The following STAG1 variants were observed in gnomAD, a reference collection of about 807,000 sequenced individuals.
STAG1 encodes STAG1 cohesin complex component.
STAG1 carries 26 observed loss-of-function variants against 170.9 expected under a neutral mutation model. The ratio of observed to expected loss-of-function variants is 0.15; its 90% CI spans 0.11 to 0.21. STAG1 has a LOEUF of 0.21. STAG1 is among the 10% of genes least tolerant of loss of function. The pLI, the probability that STAG1 is intolerant of heterozygous loss-of-function variation, is 1.00. For synonymous variants in STAG1, 514 were observed against 497.7 expected (o/e 1.03, Z -0.44); for missense variants, 964 against 1,509.5 (o/e 0.64, Z 5.99).
In STAG1 at chr3:136,433,543, T is replaced by G; in HGVS notation, c.1650+13A>C. On this transcript the variant is annotated intron_variant, in intron 16 of 33. Transcript: ENST00000383202. ...AAAAACCTTTTAGGAGATTTCTCAC[T>G]AATGTAACTTACTCTCTTGCCGGTA... The G allele has an allele frequency of 6.3e-7, 1 of 1,586,976 alleles. No individual in the cohort carries two copies. Among genetic ancestry groups the G allele is most frequent in the Non-Finnish European group, 8.6e-7 (1 of 1,165,324 alleles).
intron 20 of STAG1, among the ~76,000 whole-genome samples, chr3:136,418,402 G>GAAAAAT (rs1559789147): frequency 1.1e-5 from 1 of 89,392 alleles, no homozygotes; most frequent in African/African-American, 5.1e-5. Flanking sequence ...AAAAAAAAAG[G>GAAAAAT]TTTTTTTCAT....
intron 1 of STAG1, among the ~76,000 whole-genome samples, chr3:136,729,469 C>G (rs1346829293): frequency 6.6e-6 from 1 of 151,506 alleles, no homozygotes; most frequent in African/African-American, 2.4e-5. Context: ...TAATATGATT[C>G]TTTAACACAG....
chr3:136,410,220 T>A (rs2087588596), intron 21 of STAG1, among the ~76,000 whole-genome samples: 1 of 151,964 alleles, frequency 6.6e-6, no homozygotes, highest in East Asian at 1.9e-4. Context: ...GCCAACATGG[T>A]GAAATCCTGT....
intron 1 of STAG1, among the ~76,000 whole-genome samples, chr3:136,684,925 A>G (rs376190518): frequency 6.6e-6 from 1 of 152,198 alleles, no homozygotes; most frequent in Non-Finnish European, 1.5e-5. Context: ...TAAGACAATA[A>G]CACAGAAGAC....
intron 5 of STAG1, among the ~76,000 whole-genome samples, chr3:136,549,122 CTT>C (rs1936279079): frequency 6.6e-6 from 1 of 152,162 alleles, no homozygotes; most frequent in South Asian, 2.1e-4. Context: ...AATAACACCT[CTT>C]AAGTTTATTC....
At chr3:136,723,406 C>T (rs1333510482) in intron 1 of STAG1, among the ~76,000 whole-genome samples, 9 of 150,318 alleles carry the variant, frequency 6.0e-5, no homozygotes, top group African/African-American at 1.7e-4. Flanking sequence ...AGGTGAGGAG[C>T]GTCTCTGCCC....
intron 14 of STAG1, among the ~76,000 whole-genome samples, chr3:136,443,665 G>C (rs2088695208): frequency 6.6e-6 from 1 of 152,160 alleles, no homozygotes; most frequent in Non-Finnish European, 1.5e-5. Context: ...TGAGGAAACA[G>C]AGCATAGCTA....
intron 1 of STAG1, among the ~76,000 whole-genome samples, chr3:136,706,168 C>A (rs548934198): frequency 2.6e-5 from 4 of 152,152 alleles, no homozygotes; most frequent in Non-Finnish European, 5.9e-5. Context: ...TAACATCATA[C>A]TCAATGGTGA....
chr3:136,389,483 C>T lies in STAG1; in HGVS notation c.2277+9266G>A, dbSNP rs191464506. 3.9e-4 allele frequency among the ~76,000 whole-genome samples: 59 copies of T among 151,736 alleles called. 1 individual carries two copies. Among genetic ancestry groups the T allele is most frequent in the Middle Eastern group, 3.4e-3 (1 of 294 alleles). ...AATTTTTTTGTATTTTTAGTAGAGA[C>T]GGGGTTTCACCATATTGGTCAGGCT... On this transcript the variant is annotated intron_variant, in intron 22 of 33. Transcript: ENST00000383202.
chr3:136,634,928 G>A (rs997347241), intron 1 of STAG1, among the ~76,000 whole-genome samples: 13 of 151,982 alleles, frequency 8.6e-5, no homozygotes, highest in Non-Finnish European at 1.5e-4. Flanking sequence ...TGCACAAATC[G>A]TCAAAACTGG....
intron 1 of STAG1, among the ~76,000 whole-genome samples, chr3:136,650,249 A>AAG (rs1553760635): frequency 2.0e-5 from 3 of 151,672 alleles, no homozygotes; most frequent in East Asian, 1.9e-4. Flanking sequence ...AAAAAAAAAA[A>AAG]AGAGAGAGAG....
intron 9 of STAG1, chr3:136,499,714 G>A (rs1393843031): frequency 6.6e-6 from 1 of 152,094 alleles, no homozygotes; most frequent in Non-Finnish European, 1.5e-5. Flanking sequence ...TTTTGCTAAT[G>A]GCTTTTATTT....
intron 22 of STAG1, among the ~76,000 whole-genome samples, chr3:136,385,981 C>T (rs984539418): frequency 6.6e-6 from 1 of 152,192 alleles, no homozygotes; most frequent in Non-Finnish European, 1.5e-5. Flanking sequence ...GGCTTACGGG[C>T]ATTAGCCACC....
intron 5 of STAG1, among the ~76,000 whole-genome samples, chr3:136,563,396 T>G (rs1457813160): frequency 6.6e-6 from 1 of 152,152 alleles, no homozygotes; most frequent in Non-Finnish European, 1.5e-5. Flanking sequence ...GATTTTGTTT[T>G]CTTGGGGATT....
intron 1 of STAG1, among the ~76,000 whole-genome samples, chr3:136,646,906 C>T (rs537642068): frequency 4.9e-4 from 75 of 151,742 alleles, no homozygotes; most frequent in Non-Finnish European, 3.2e-4. Flanking sequence ...AGCGAGACTC[C>T]ATCTGAAAAA....
chr3:136,522,486 T>C (rs1464708719), intron 6 of STAG1, among the ~76,000 whole-genome samples: 1 of 152,192 alleles, frequency 6.6e-6, no homozygotes, highest in African/African-American at 2.4e-5. Flanking sequence ...GCAGCCTACC[T>C]GCTGCTTCTA....
chr3:136,736,648 T>C, intron 1 of STAG1: 1 of 1,604,268 alleles, frequency 6.2e-7, no homozygotes, highest in South Asian at 1.1e-5. Context: ...CTTTCCCGTT[T>C]GGCTTTTTCT....
chr3:136,602,435 A>C (rs1004328859), intron 4 of STAG1, among the ~76,000 whole-genome samples: 1 of 152,054 alleles, frequency 6.6e-6, no homozygotes, highest in African/African-American at 2.4e-5. Flanking sequence ...TGCAATTATC[A>C]AAATTTTACA....
At chr3:136,514,416 A>G (rs1934240322) in intron 7 of STAG1, among the ~76,000 whole-genome samples, 1 of 152,184 alleles carries the variant, frequency 6.6e-6, no homozygotes, top group African/African-American at 2.4e-5. Flanking sequence ...GAAACAACAG[A>G]TGCTAGAGAG....
Sources: gnomAD v4.1 joint callset for allele counts (sites outside exome capture counted in the v4.1 genomes callset) on GRCh38, gnomAD v4.1.1 for gene constraint, MANE v1.5 for transcripts, NCBI Gene and HGNC (gene_info 2026-07-23, HGNC 2026-07-21) for gene names.